The following MEIS1 variants were observed in gnomAD, a reference collection of about 807,000 sequenced individuals.
MEIS1 encodes the protein homeobox protein Meis1.
A neutral mutation model predicts 50.8 loss-of-function variants in MEIS1; 5 were observed. That is an observed-to-expected ratio of 0.10 (90% confidence interval 0.05 to 0.21). The LOEUF (loss-of-function observed/expected upper bound fraction) is 0.21, where lower values mean the gene tolerates loss of function less well. Among genes scored for constraint, MEIS1 ranks in the 10% least tolerant of loss-of-function variants. MEIS1 has a pLI of 1.00. For missense variants in MEIS1, 318 were observed against 517.3 expected (o/e 0.61, Z 3.74); for synonymous variants, 176 against 179.3 (o/e 0.98, Z 0.15).
chr2:66,437,672 C>T, intron 1 of MEIS1, 65 bp from the exon 2 acceptor site: 1 of 1,474,622 alleles, frequency 6.8e-7, no homozygotes, highest in East Asian at 2.3e-5. Flanking sequence ...AGCTCGGTGC[C>T]TTGCCGTTCT....
intron 6 of MEIS1, among the ~76,000 whole-genome samples, chr2:66,453,927 G>A (rs1431882025): frequency 6.6e-6 from 1 of 151,954 alleles, no homozygotes; most frequent in Non-Finnish European, 1.5e-5. Flanking sequence ...AAACAGTTAA[G>A]TGTATTGCTT....
At chr2:66,436,577 C>T (rs1413173676) in intron 1 of MEIS1, among the ~76,000 whole-genome samples, 1 of 152,186 alleles carries the variant, frequency 6.6e-6, no homozygotes, top group African/African-American at 2.4e-5. Flanking sequence ...TACAAAAAGC[C>T]TTCCTTGCAT....
chr2:66,536,670 A>T (rs1353143818), intron 8 of MEIS1, among the ~76,000 whole-genome samples: 1 of 152,244 alleles, frequency 6.6e-6, no homozygotes, highest in Non-Finnish European at 1.5e-5. Context: ...TGATTTTAGA[A>T]AATGTCAATC....
intron 2 of MEIS1, 25 bp from the exon 3 acceptor site, chr2:66,439,818 T>C: frequency 6.2e-7 from 1 of 1,610,672 alleles, no homozygotes; most frequent in Non-Finnish European, 8.5e-7. Context: ...ATTATGTTGT[T>C]TGTGACTGTT....
chr2:66,545,303 G>A (rs1261254247), intron 8 of MEIS1, among the ~76,000 whole-genome samples: 1 of 152,206 alleles, frequency 6.6e-6, no homozygotes, highest in Non-Finnish European at 1.5e-5. Context: ...AAATGTTATA[G>A]ATTGGAAGTT....
chr2:66,522,397 T>C (rs1674146494), intron 8 of MEIS1, among the ~76,000 whole-genome samples: 2 of 152,224 alleles, frequency 1.3e-5, no homozygotes, highest in African/African-American at 4.8e-5. Context: ...TGGTTATGGT[T>C]CTATTGTGGC....
chr2:66,570,749 T>C (rs1675466851), intron 12 of MEIS1: 1 of 153,634 alleles, frequency 6.5e-6, no homozygotes, highest in Non-Finnish European at 1.4e-5. Context: ...CAGTGTTTTG[T>C]GAAGATTTTC....
chr2:66,533,999 C>G (rs950843050), intron 8 of MEIS1, among the ~76,000 whole-genome samples: 7 of 152,206 alleles, frequency 4.6e-5, no homozygotes, highest in Non-Finnish European at 1.0e-4. Flanking sequence ...TTAGCCCAAT[C>G]TTAAGAGTCA....
intron 12 of MEIS1, chr2:66,570,885 G>C (rs1162078630): frequency 4.5e-6 from 1 of 220,838 alleles, no homozygotes; most frequent in East Asian, 1.7e-4. Flanking sequence ...TCAGCTGCCT[G>C]TGAGATGTTT....
Position 66,571,566 on chromosome 2 carries a change from T to C in MEIS1, c.*358T>C, listed in dbSNP as rs1407440475. Reference sequence around the variant, plus strand: ...ATGCATTGTCTGCAATGGTGACTGATTTCAAATCATGTTTTTTCTGCAATG... The same window carrying C: ...ATGCATTGTCTGCAATGGTGACTGACTTCAAATCATGTTTTTTCTGCAATG... On this transcript the variant is annotated 3_prime_UTR_variant, in exon 13 of 13. Transcript: ENST00000272369. The C allele has an allele frequency of 1.9e-6, 3 of 1,549,354 alleles. No homozygotes were observed. Among genetic ancestry groups the C allele is most frequent in the Non-Finnish European group, 2.6e-6 (3 of 1,146,442 alleles).
chr2:66,437,876 C>G lies in MEIS1; in HGVS notation c.152C>G (p.Pro51Arg). 1 of 1,612,522 alleles carries G rather than the reference C, an allele frequency of 6.2e-7. No homozygotes were observed. Among genetic ancestry groups the G allele is most frequent in the Non-Finnish European group, 8.5e-7 (1 of 1,179,260 alleles). The change falls in exon 2 of 13, where the codon CCG becomes CGG. Residue 51 changes from proline (P) to arginine (R), a missense_variant. Physicochemically the swap from Pro to Arg is moderately radical, Grantham distance 103 (BLOSUM62 -2). Transcript: ENST00000272369. The stretch of plus-strand genomic sequence containing the variant: ...CCTCCTCTGCACTCGCATCAGTACC[C>G]GCACACAGCTCATACCAACGCCATG... ...HGPPLHSHQY[P>R]HTAHTNAMAP...
At chr2:66,557,310 C>T (rs1482642324) in intron 9 of MEIS1, among the ~76,000 whole-genome samples, 1 of 152,152 alleles carries the variant, frequency 6.6e-6, no homozygotes, top group South Asian at 2.1e-4. Context: ...TCATTTCACC[C>T]ATTTAATTCA....
At chr2:66,518,971 TA>T (rs1674042457) in intron 8 of MEIS1, among the ~76,000 whole-genome samples, 1 of 152,224 alleles carries the variant, frequency 6.6e-6, no homozygotes, top group Admixed American at 6.5e-5. Context: ...ACTGAACTGG[TA>T]ACATCCACAT....
intron 7 of MEIS1, among the ~76,000 whole-genome samples, chr2:66,504,034 C>T (rs569334670): frequency 7.3e-5 from 11 of 150,844 alleles, no homozygotes; most frequent in Non-Finnish European, 1.0e-4. Context: ...TGTGAGCCAC[C>T]GCGCCCAGCC....
chr2:66,440,843 G>C (rs1022032528), intron 4 of MEIS1: 50 of 569,796 alleles, frequency 8.8e-5, no homozygotes, highest in Non-Finnish European at 1.4e-4. Context: ...GCGAGCTTTT[G>C]TTTTTTATGA....
intron 7 of MEIS1, among the ~76,000 whole-genome samples, chr2:66,499,876 TA>T (rs920464847): frequency 1.3e-5 from 2 of 152,258 alleles, no homozygotes; most frequent in African/African-American, 4.8e-5. Flanking sequence ...TTATAACACT[TA>T]AAAAATAATT....
intron 9 of MEIS1, among the ~76,000 whole-genome samples, chr2:66,555,693 A>G (rs1675044125): frequency 6.6e-6 from 1 of 152,136 alleles, no homozygotes; most frequent in Admixed American, 6.5e-5. Context: ...GTGTTGGGTG[A>G]TTAACCGTTA....
chr2:66,466,344 C>T (rs533601299), intron 7 of MEIS1, among the ~76,000 whole-genome samples: 20 of 152,362 alleles, frequency 1.3e-4, no homozygotes, highest in African/African-American at 4.6e-4. Context: ...CCCTACCCCA[C>T]CTTTCTGTGC....
chr2:66,503,176 A>G (rs1309252618), intron 7 of MEIS1, among the ~76,000 whole-genome samples: 1 of 152,196 alleles, frequency 6.6e-6, no homozygotes. Context: ...TTTACATCAT[A>G]TTAGGGCACG....
Sources: gnomAD v4.1 joint callset for allele counts (sites outside exome capture counted in the v4.1 genomes callset) on GRCh38, gnomAD v4.1.1 for gene constraint, MANE v1.5 for transcripts, NCBI Gene and HGNC (gene_info 2026-07-23, HGNC 2026-07-21) for gene names.